SPHKAP: variants seen among roughly 807,000 people sequenced by gnomAD.
SPHKAP encodes the protein SPHK1 interactor, AKAP domain containing.
In SPHKAP, 67 loss-of-function variants were observed where a neutral mutation model predicts 137.5. That is an observed-to-expected ratio of 0.49 (90% confidence interval 0.40 to 0.60). SPHKAP has a LOEUF of 0.60. SPHKAP is among the 20% of genes least tolerant of loss of function. SPHKAP has a pLI of 0.00. For synonymous variants in SPHKAP, 813 were observed against 785.3 expected (o/e 1.04, Z -0.59); for missense variants, 2,097 against 2,069.3 (o/e 1.01, Z -0.26).
chr2:228,037,178 A>G (rs1254894575), intron 3 of SPHKAP, among the ~76,000 whole-genome samples: 1 of 152,050 alleles, frequency 6.6e-6, no homozygotes, highest in Non-Finnish European at 1.5e-5. Context: ...TAAAGACATA[A>G]TTTGGATTGA....
intron 2 of SPHKAP, among the ~76,000 whole-genome samples, chr2:228,111,177 T>C (rs1475490136): frequency 6.6e-6 from 1 of 152,170 alleles, no homozygotes; most frequent in East Asian, 1.9e-4. Flanking sequence ...TCCCTTGTAT[T>C]TCAGGCATAG....
intron 3 of SPHKAP, among the ~76,000 whole-genome samples, chr2:228,043,905 G>A (rs1001121440): frequency 1.3e-5 from 2 of 151,878 alleles, no homozygotes; most frequent in African/African-American, 4.8e-5. Context: ...ATACACATTT[G>A]CACAGAGAAA....
chr2:228,122,178 C>A (rs1698928634), intron 2 of SPHKAP, among the ~76,000 whole-genome samples: 2 of 152,020 alleles, frequency 1.3e-5, no homozygotes, highest in African/African-American at 2.4e-5. Context: ...GGGGGAATGA[C>A]CACAGGAATT....
chr2:228,108,621 CT>C (rs1299521814), intron 3 of SPHKAP, among the ~76,000 whole-genome samples: 2 of 152,134 alleles, frequency 1.3e-5, no homozygotes, highest in Non-Finnish European at 2.9e-5. Flanking sequence ...TATTAGATAA[CT>C]TACCTGTTAA....
chr2:228,158,895 C>T (rs1312234727), intron 1 of SPHKAP, among the ~76,000 whole-genome samples: 1 of 152,174 alleles, frequency 6.6e-6, no homozygotes, highest in East Asian at 1.9e-4. Context: ...TTTTCCCTCA[C>T]CCCAATCAAA....
At chr2:228,132,686 T>C (rs1332189583) in intron 1 of SPHKAP, 1 of 157,330 alleles carries the variant, frequency 6.4e-6, no homozygotes, top group Admixed American at 6.6e-5. Flanking sequence ...CGTACAGAGC[T>C]GCATAAATAT....
At chr2:228,057,729 G>A (rs1028152271) in intron 3 of SPHKAP, among the ~76,000 whole-genome samples, 1 of 152,142 alleles carries the variant, frequency 6.6e-6, no homozygotes, top group African/African-American at 2.4e-5. Context: ...GTTGAATGCA[G>A]GGACTGAACA....
intron 1 of SPHKAP, chr2:228,132,579 T>G: frequency 1.3e-6 from 1 of 798,458 alleles, no homozygotes; most frequent in Non-Finnish European, 1.5e-6. Flanking sequence ...TTACCATTCC[T>G]GCGGCTGGAG....
intron 1 of SPHKAP, among the ~76,000 whole-genome samples, chr2:228,156,234 G>A (rs1230742908): frequency 6.6e-6 from 1 of 152,102 alleles, no homozygotes; most frequent in Non-Finnish European, 1.5e-5. Context: ...GGAACTGAGA[G>A]GATACTTTAT....
At position 227,988,038 on chromosome 2, in the gene SPHKAP, A is replaced by T. The variant is rs963910727; in HGVS notation, c.4959+2962T>A. 2.6e-5 allele frequency among the ~76,000 whole-genome samples: 4 copies of T among 152,202 alleles called. No individual in the cohort carries two copies. In the East Asian group the frequency reaches 7.7e-4, roughly 29 times the overall value. ...AGACACTGCTGTTCTCGTATGACAC[A>T]GCCTCCATGGAAGACGAGCTCTCTT... On this transcript the variant is annotated intron_variant, in intron 11 of 11. Transcript: ENST00000392056.
chr2:227,996,172 C>T (rs1387376347), intron 7 of SPHKAP: 9 of 977,466 alleles, frequency 9.2e-6, no homozygotes, highest in Non-Finnish European at 1.1e-5. Flanking sequence ...TCATTTTGCA[C>T]TGACTTGGTA....
At chr2:228,151,845 C>A (rs900038666) in intron 1 of SPHKAP, among the ~76,000 whole-genome samples, 1 of 151,908 alleles carries the variant, frequency 6.6e-6, no homozygotes, top group East Asian at 1.9e-4. Flanking sequence ...TTATATTTAG[C>A]CTTTTTTTAA....
chr2:228,131,192 T>A, intron 2 of SPHKAP: 4 of 545,816 alleles, frequency 7.3e-6, no homozygotes, highest in Non-Finnish European at 9.3e-6. Context: ...AACAATATGC[T>A]TAGTAACAGC....
chr2:228,080,557 A>G (rs1236595034), intron 3 of SPHKAP, among the ~76,000 whole-genome samples: 1 of 152,082 alleles, frequency 6.6e-6, no homozygotes, highest in Non-Finnish European at 1.5e-5. Flanking sequence ...AGTACAAAAA[A>G]TTAGCTGGGC....
At chr2:228,055,914 G>A (rs1696422617) in intron 3 of SPHKAP, among the ~76,000 whole-genome samples, 1 of 152,230 alleles carries the variant, frequency 6.6e-6, no homozygotes, top group Admixed American at 6.5e-5. Flanking sequence ...ACAGATCCCA[G>A]GGGTGAGAAA....
chr2:227,985,644 C>T (rs1693183952), intron 11 of SPHKAP, among the ~76,000 whole-genome samples: 1 of 152,134 alleles, frequency 6.6e-6, no homozygotes, highest in South Asian at 2.1e-4. Context: ...TCATAGTTGG[C>T]ATTTCTTTGA....
intron 3 of SPHKAP, among the ~76,000 whole-genome samples, chr2:228,061,694 G>T (rs914377596): frequency 1.3e-5 from 2 of 150,998 alleles, no homozygotes; most frequent in Non-Finnish European, 2.9e-5. Flanking sequence ...ATAATATTTG[G>T]GCTGAGGTAT....
At chr2:228,179,620 G>C (rs1002147723) in intron 1 of SPHKAP, among the ~76,000 whole-genome samples, 5 of 152,142 alleles carry the variant, frequency 3.3e-5, no homozygotes, top group Admixed American at 3.3e-4. Flanking sequence ...ACTGATTTGT[G>C]GAAATTGGTG....
intron 3 of SPHKAP, among the ~76,000 whole-genome samples, chr2:228,103,187 A>T (rs977157163): frequency 6.6e-6 from 1 of 152,016 alleles, no homozygotes; most frequent in African/African-American, 2.4e-5. Context: ...CCAACCCCCC[A>T]CAGAAACCTA....
Sources: allele counts gnomAD v4.1 joint callset (sites outside exome capture counted in the v4.1 genomes callset), GRCh38; gene constraint gnomAD v4.1.1; transcripts MANE v1.5; gene names NCBI Gene and HGNC (gene_info 2026-07-23, HGNC 2026-07-21).